The following EPG5 variants were observed in gnomAD, a reference collection of about 807,000 sequenced individuals.
EPG5 encodes the protein ectopic P granules protein 5 homolog.
A neutral mutation model predicts 302.7 loss-of-function variants in EPG5; 159 were observed. The observed-to-expected ratio is 0.53, with a 90% CI of 0.46 to 0.60. The LOEUF is 0.60. Among genes scored for constraint, EPG5 ranks in the 20% least tolerant of loss-of-function variants. EPG5 has a pLI of 0.00. For missense variants in EPG5, 2,896 were observed against 3,092.4 expected (o/e 0.94, Z 1.51); for synonymous variants, 1,158 against 1,136.8 (o/e 1.02, Z -0.37).
At chr18:45,899,913 TA>T (rs2049568296) in intron 26 of EPG5, among the ~76,000 whole-genome samples, 1 of 152,206 alleles carries the variant, frequency 6.6e-6, no homozygotes, top group Non-Finnish European at 1.5e-5. Context: ...TAATTATAAG[TA>T]CCAATGACTT....
intron 32 of EPG5, among the ~76,000 whole-genome samples, chr18:45,879,830 G>A (rs914285174): frequency 7.9e-5 from 12 of 152,102 alleles, no homozygotes; most frequent in African/African-American, 2.7e-4. Flanking sequence ...GATGGGCTAG[G>A]GTGGGCAGGA....
intron 11 of EPG5, among the ~76,000 whole-genome samples, chr18:45,932,566 A>T (rs2050417404): frequency 2.0e-5 from 3 of 152,224 alleles, no homozygotes; most frequent in South Asian, 4.1e-4. Flanking sequence ...AAATATAAAA[A>T]GTGAGGAAGG....
chr18:45,952,581 A>G lies in EPG5; in HGVS notation c.1071T>C (p.Asn357=), dbSNP rs771202140. 1 of 1,614,152 alleles carries G rather than the reference A, an allele frequency of 6.2e-7. No individual in the cohort carries two copies. Residue 357 remains asparagine, a synonymous_variant, in exon 3 of 44, where the codon AAT becomes AAC. Transcript: ENST00000282041. ...TCTTTAGCTCCACCAGTGCATTTTC[A>G]TTCATTTCTACTCTTTGGTAGCGAT... is the stretch of plus-strand genomic sequence containing the variant. The part of the protein sequence containing the change: ...SYHRYQRVEM[N]ENALVELKKL...
chr18:45,952,597 T>C lies in EPG5; in HGVS notation c.1055A>G (p.Gln352Arg). Residue 352 changes from glutamine to arginine, a missense_variant, in exon 3 of 44, where the codon CAA becomes CGA. Gln to Arg is a conservative substitution (Grantham distance 43). This residue lies in a region of EPG5 where 1,390 missense variants were observed against 1,430.0 expected (regional missense o/e 0.97). Transcript: ENST00000282041. ...TGCATTTTCATTCATTTCTACTCTT[T>C]GGTAGCGATGATAGCTGAAAACTTT... ...QVKVFSYHRY[Q>R]RVEMNENALV... The C allele has an allele frequency of 3.7e-6, 6 of 1,614,156 alleles. No homozygotes were observed. The highest frequency in any genetic ancestry group is 1.1e-5 in the South Asian group (1 of 91,082).
At chr18:45,842,147 T>C in the EPG5 span, 1 of 1,614,196 alleles carries the variant, frequency 6.2e-7, no homozygotes, top group Non-Finnish European at 8.5e-7. Context: ...TTGAGCCAGA[T>C]GAACCCCCGG....
the EPG5 span, among the ~76,000 whole-genome samples, chr18:45,815,695 T>C: frequency 6.6e-6 from 1 of 152,166 alleles, no homozygotes; most frequent in East Asian, 1.9e-4. Flanking sequence ...ACAATCAATA[T>C]TGTGAAAATG....
In EPG5 at chr18:45,901,765, C is replaced by CCACACACACA. The variant is rs58432761; in HGVS notation, c.4475-608_4475-599dup. Among the ~76,000 whole-genome samples, 251 of 146,736 alleles carry CCACACACACA rather than the reference C, an allele frequency of 1.7e-3. 3 individuals carry two copies. Among genetic ancestry groups the CCACACACACA allele is most frequent in the African/African-American group, 5.9e-3 (236 of 40,290 alleles). On this transcript the variant is annotated intron_variant, in intron 25 of 43. Coordinates refer to ENST00000282041, the MANE Select transcript of EPG5 (RefSeq NM_020964.3). The stretch of plus-strand genomic sequence containing the variant: ...TGGAGTCCAAATAAGCAATCCTGTG[C>CCACACACACA]CACACACACACACACACACACACAC...
the EPG5 span, among the ~76,000 whole-genome samples, chr18:45,805,835 A>G: frequency 1.3e-5 from 2 of 152,230 alleles, no homozygotes; most frequent in Admixed American, 6.5e-5. Flanking sequence ...ACAGCACTTT[A>G]AAATATATAA....
chr18:45,967,175 A>C lies in EPG5; in HGVS notation c.63+2T>G. 2.5e-6 allele frequency: 4 copies of C among 1,598,622 alleles called. No individual in the cohort carries two copies. The highest frequency in any genetic ancestry group is 3.4e-6 in the Non-Finnish European group (4 of 1,172,600). ...CCTCGGGAGGGTGGGGGAGATCCTCACCTTTGTTTTAGTCCGGCTGGCCTT... is the reference window on the plus strand; with the variant it reads ...CCTCGGGAGGGTGGGGGAGATCCTCCCCTTTGTTTTAGTCCGGCTGGCCTT... On this transcript the variant is annotated splice_donor_variant, in intron 1 of 43. Coordinates refer to ENST00000282041, the MANE Select transcript of EPG5 (RefSeq NM_020964.3). LOFTEE classifies it high-confidence loss of function.
intron 42 of EPG5, among the ~76,000 whole-genome samples, chr18:45,857,439 C>T (rs2048538958): frequency 6.6e-6 from 1 of 152,140 alleles, no homozygotes; most frequent in Admixed American, 6.5e-5. Flanking sequence ...AGCTTGACGA[C>T]TTTACAGTTC....
At chr18:45,829,192 G>A in the EPG5 span, 8 of 977,944 alleles carry the variant, frequency 8.2e-6, no homozygotes, top group Admixed American at 1.2e-4. Flanking sequence ...AGGTAAGCAG[G>A]GCCACACCCA....
At chr18:45,828,435 A>G in the EPG5 span, among the ~76,000 whole-genome samples, 1 of 152,118 alleles carries the variant, frequency 6.6e-6, no homozygotes, top group Non-Finnish European at 1.5e-5. Flanking sequence ...GAAGCTAGAG[A>G]TGCCAGGGAA....
chr18:45,882,529 G>T (rs1568119214), intron 30 of EPG5, 42 bp from the exon 31 acceptor site: 1 of 1,538,082 alleles, frequency 6.5e-7, no homozygotes, highest in South Asian at 1.2e-5. Context: ...ATTTGCACTA[G>T]AAAAATAGTT....
chr18:45,959,159 CGGG>C (rs2051092976), intron 1 of EPG5, among the ~76,000 whole-genome samples: 1 of 152,170 alleles, frequency 6.6e-6, no homozygotes, highest in Non-Finnish European at 1.5e-5. Flanking sequence ...GTCTAGGCAG[CGGG>C]CAAGGTGAAC....
intron 27 of EPG5, among the ~76,000 whole-genome samples, chr18:45,896,696 C>T (rs2049485174): frequency 1.3e-5 from 2 of 152,180 alleles, no homozygotes; most frequent in Non-Finnish European, 2.9e-5. Context: ...AGGCGTGCGC[C>T]ACCATGCCCG....
rs964020182 is a variant in EPG5 at position 45,860,401 on chromosome 18, T to C, written c.6767-55A>G. On this transcript the variant is annotated intron_variant, in intron 39 of 43. Coordinates refer to ENST00000282041, the MANE Select transcript of EPG5 (RefSeq NM_020964.3). ...GGCTGCCAGAAAGGTACTATCCATG[T>C]GATCAGGAGAATAACAGTGCTTCAA... 1.2e-5 allele frequency: 20 copies of C among 1,608,560 alleles called. No homozygotes were observed. The African/African-American group carries it at 2.4e-4, about 19-fold the overall frequency.
rs774999077 is a variant in EPG5 at position 45,967,264 on chromosome 18, GT to G, written c.-26del. 1 of 1,567,448 alleles carries G rather than the reference GT, an allele frequency of 6.4e-7. No individual in the cohort carries two copies. The highest frequency in any genetic ancestry group is 1.2e-5 in the South Asian group (1 of 85,352). ...TAGACCCTTCCGCGGCGCCGTCACCGTTTGTTTTTGTCAAACCCCTGCGCTT... is the reference window on the plus strand; with the variant it reads ...TAGACCCTTCCGCGGCGCCGTCACCGTTGTTTTTGTCAAACCCCTGCGCTT... On this transcript the variant is annotated 5_prime_UTR_variant, in exon 1 of 44. Coordinates refer to ENST00000282041, the MANE Select transcript of EPG5 (RefSeq NM_020964.3).
chr18:45,943,319 T>A lies in EPG5; in HGVS notation c.1793-8A>T. The stretch of plus-strand genomic sequence containing the variant: ...TTTCAGGTAAATAATCACCTAGAAG[T>A]TAATCAGATAAAAGAAAAAAATCAT... On this transcript the variant is annotated splice_region_variant and splice_polypyrimidine_tract_variant and intron_variant, in intron 8 of 43. Transcript: ENST00000282041. 6.2e-7 allele frequency: 1 copy of A among 1,611,764 alleles called. No individual in the cohort carries two copies. Among genetic ancestry groups the A allele is most frequent in the South Asian group, 1.1e-5 (1 of 90,998 alleles).
intron 1 of EPG5, among the ~76,000 whole-genome samples, chr18:45,959,254 T>C (rs2051095674): frequency 6.6e-6 from 1 of 151,964 alleles, no homozygotes; most frequent in Non-Finnish European, 1.5e-5. Flanking sequence ...GGCAGGAGAA[T>C]TGCTTGAACC....
Sources: allele counts gnomAD v4.1 joint callset (sites outside exome capture counted in the v4.1 genomes callset), GRCh38; gene constraint gnomAD v4.1.1; regional missense constraint gnomAD v4.1.1; transcripts MANE v1.5; gene names NCBI Gene and HGNC (gene_info 2026-07-23, HGNC 2026-07-21).